The following NRAP variants were observed in gnomAD, a reference collection of about 807,000 sequenced individuals.
NRAP encodes the protein nebulin-related-anchoring protein.
A neutral mutation model predicts 225.9 loss-of-function variants in NRAP; 189 were observed. That is an observed-to-expected ratio of 0.84 (90% CI 0.74 to 0.94). NRAP has a LOEUF of 0.94. Ranked by LOEUF, NRAP falls within the 40% of genes least tolerant of loss-of-function variation. NRAP has a pLI of 0.00. For missense variants in NRAP, 2,176 were observed against 2,168.7 expected (o/e 1.00, Z -0.07); for synonymous variants, 769 against 790.7 (o/e 0.97, Z 0.46).
At chr10:113,632,980 C>G in intron 16 of NRAP, 104 bp downstream of exon 16, 1 of 723,058 alleles carries the variant, frequency 1.4e-6, no homozygotes, top group Non-Finnish European at 2.6e-6. Context: ...TCTGATGAGC[C>G]TTTCTCAGGG....
intron 14 of NRAP, among the ~76,000 whole-genome samples, chr10:113,639,091 CA>C (rs60509891): frequency 0.1 from 11,837 of 114,358 alleles, 250 homozygotes; most frequent in Non-Finnish European, 0.14. Flanking sequence ...ATGTATATAG[CA>C]AAAAAAAAAA....
chr10:113,626,080 C>T lies in NRAP; in HGVS notation c.2211G>A (p.Glu737=). Residue 737 remains glutamate (E), a synonymous_variant, in exon 21 of 42, where the codon GAG becomes GAA. Coordinates refer to ENST00000359988, the MANE Select transcript of NRAP (RefSeq NM_198060.4). ...GTAGCTCCTGGCTCTTCTTGGCGTG[C>T]TCCATCTGGGAGCTGTCGGTCACGC... ...FTSVTDSSQM[E]HAKKSQELQS... 1 of 1,612,626 alleles carries T rather than the reference C, an allele frequency of 6.2e-7. No individual in the cohort carries two copies. Among genetic ancestry groups the T allele is most frequent in the Non-Finnish European group, 8.5e-7 (1 of 1,179,538 alleles).
chr10:113,605,023 A>C, intron 34 of NRAP, 103 bp from the exon 35 acceptor site: 136 of 1,277,700 alleles, frequency 1.1e-4, no homozygotes, highest in East Asian at 2.9e-4. Context: ...TTATAAGAAA[A>C]ACCACAGTGG....
At chr10:113,620,245 A>G (rs1471037196) in intron 25 of NRAP, among the ~76,000 whole-genome samples, 1 of 152,226 alleles carries the variant, frequency 6.6e-6, no homozygotes, top group Non-Finnish European at 1.5e-5. Flanking sequence ...AAGGGAGAGG[A>G]AGAAAATGTG....
chr10:113,604,829 C>A lies in NRAP; in HGVS notation c.4007G>T (p.Arg1336Leu). ...AAGCTCGCTCTGCAGCTGGCCCATG[C>A]GCCGGCAGTGCTGGATCCGGGGGTC... ...RDDPRIQHCR[R>L]MGQLQSELQY... The change falls in exon 35 of 42, where the codon CGC (arginine) becomes CTC (leucine). Residue 1336 changes from arginine to leucine, a missense_variant. By Grantham distance (102) the Arg-to-Leu change is moderately radical. Transcript: ENST00000359988. The A allele has an allele frequency of 1.2e-6, 2 of 1,614,174 alleles. No homozygotes were observed. Among genetic ancestry groups the A allele is most frequent in the African/African-American group, 1.3e-5 (1 of 75,056 alleles).
intron 38 of NRAP, among the ~76,000 whole-genome samples, chr10:113,594,154 C>T (rs1846151214): frequency 6.6e-6 from 1 of 152,196 alleles, no homozygotes; most frequent in Non-Finnish European, 1.5e-5. Context: ...CTCATCCTCA[C>T]ACATTAGAGT....
intron 3 of NRAP, 102 bp from the exon 4 acceptor site, chr10:113,657,676 A>G (rs950014245): frequency 2.8e-6 from 2 of 720,426 alleles, no homozygotes; most frequent in East Asian, 2.7e-5. Flanking sequence ...CTAAGTCTCA[A>G]CTGCAAAGCA....
At chr10:113,646,269 G>T (rs1849501733) in intron 10 of NRAP, among the ~76,000 whole-genome samples, 1 of 152,162 alleles carries the variant, frequency 6.6e-6, no homozygotes, top group African/African-American at 2.4e-5. Context: ...CCCTGCTAAT[G>T]AGGGGCAGAG....
At position 113,640,191 on chromosome 10, in the gene NRAP, T is replaced by C. The variant is rs748836799; in HGVS notation, c.1428+36A>G. 7 of 1,243,468 alleles carry C rather than the reference T, an allele frequency of 5.6e-6. No homozygotes were observed. The South Asian group carries it at 6.3e-5, about 11-fold the overall frequency. The allele number at this position is 1,243,468 out of a possible 1,614,324, so 77.0% of individuals were successfully genotyped here. ...CACTCCTCAGGAAGGAAGCGACAAG[T>C]GACAAAGCAGAAAGAGCTGTTGGAA... On this transcript the variant is annotated intron_variant, in intron 14 of 41. Coordinates refer to ENST00000359988, the MANE Select transcript of NRAP (RefSeq NM_198060.4).
intron 32 of NRAP, 32 bp from the exon 33 acceptor site, chr10:113,606,314 A>G: frequency 1.5e-6 from 2 of 1,328,568 alleles, no homozygotes. Flanking sequence ...ATAATAATGC[A>G]AGAGATAAGT....
At chr10:113,604,082 T>C (rs1054074846) in intron 35 of NRAP, among the ~76,000 whole-genome samples, 3 of 152,180 alleles carry the variant, frequency 2.0e-5, no homozygotes, top group African/African-American at 7.2e-5. Flanking sequence ...CTCTCAGGGC[T>C]TAGAATGGTG....
chr10:113,588,909 ATCTGAAGCCTG>A lies in NRAP; in HGVS notation c.*55_*65del, dbSNP rs1845745473. 3.8e-6 allele frequency: 5 copies of A among 1,304,050 alleles called. No individual in the cohort carries two copies. The highest frequency in any genetic ancestry group is 5.5e-6 in the Non-Finnish European group (5 of 903,278). 80.8% of individuals were successfully genotyped at this position (1,304,050 alleles called of 1,614,324 possible). A position where few individuals can be genotyped will look rare whatever the true frequency, so the allele number is the denominator to read the frequency against. ...ATTCCAGCTTGCCGAAATCAAAGCCATCTGAAGCCTGTCTCTGGTGAACAAACTTCCTCTCT... is the reference window on the plus strand; with the variant it reads ...ATTCCAGCTTGCCGAAATCAAAGCCATCTCTGGTGAACAAACTTCCTCTCT... On this transcript the variant is annotated 3_prime_UTR_variant, in exon 42 of 42. Transcript: ENST00000359988.
At chr10:113,591,644 T>C (rs1846001310) in intron 39 of NRAP, among the ~76,000 whole-genome samples, 1 of 152,254 alleles carries the variant, frequency 6.6e-6, no homozygotes, top group South Asian at 2.1e-4. Flanking sequence ...TGGTGCCCTC[T>C]CTTGCAGAAT....
Position 113,651,927 on chromosome 10 carries a change from G to A in NRAP, c.571-20C>T, listed in dbSNP as rs1182138105. The A allele has an allele frequency of 6.6e-7, 1 of 1,519,928 alleles. No homozygotes were observed. Among genetic ancestry groups the A allele is most frequent in the East Asian group, 2.3e-5 (1 of 44,430 alleles). The allele number at this position is 1,519,928 out of a possible 1,614,324, so 94.2% of individuals were successfully genotyped here. A position where few individuals can be genotyped will look rare whatever the true frequency, so the allele number is the denominator to read the frequency against. On this transcript the variant is annotated intron_variant, in intron 6 of 41. Coordinates refer to ENST00000359988, the MANE Select transcript of NRAP (RefSeq NM_198060.4). ...CTCCACCTGATGAGAAGACAGTAGAGTCAAGGGTGCACCCACCTCACAGCC... is the reference window on the plus strand; with the variant it reads ...CTCCACCTGATGAGAAGACAGTAGAATCAAGGGTGCACCCACCTCACAGCC...
chr10:113,620,931 T>G (rs1397697012), intron 24 of NRAP, among the ~76,000 whole-genome samples: 1 of 152,186 alleles, frequency 6.6e-6, no homozygotes, highest in African/African-American at 2.4e-5. Context: ...TTAGGCCCCA[T>G]CCAACACTAT....
At chr10:113,642,892 C>T (rs750121628) in intron 12 of NRAP, 42 bp downstream of exon 12, 8 of 1,029,944 alleles carry the variant, frequency 7.8e-6, no homozygotes, top group Non-Finnish European at 1.1e-5. Context: ...AGACTAAGCT[C>T]ACCAACAGTG....
chr10:113,590,833 A>G lies in NRAP; in HGVS notation c.4701T>C (p.Ser1567=), dbSNP rs759300954. The stretch of plus-strand genomic sequence containing the variant: ...GCTTCATCCTTGGGTCATCGTCGAC[A>G]CTGCGGTACCCGATCTGCAGGCCTC... The part of the protein sequence containing the change: ...RDRGLQIGYR[S]VDDDPRMKHF... Residue 1567 remains serine (S), a synonymous_variant, in exon 40 of 42, where the codon AGT becomes AGC. Transcript: ENST00000359988. The G allele has an allele frequency of 1.2e-6, 2 of 1,614,172 alleles. No homozygotes were observed. Among genetic ancestry groups the G allele is most frequent in the Non-Finnish European group, 1.7e-6 (2 of 1,180,034 alleles).
chr10:113,606,283 C>A lies in NRAP; in HGVS notation c.3703-1G>T. 6.3e-7 allele frequency: 1 copy of A among 1,583,710 alleles called. No individual in the cohort carries two copies. Among genetic ancestry groups the A allele is most frequent in the Non-Finnish European group, 8.7e-7 (1 of 1,152,562 alleles). ...CCTCTCCAGCTGCTTTATAGAGGCG[C>A]TAGGCCAAAAAAATATAATAATAAT... is the stretch of plus-strand genomic sequence containing the variant. On this transcript the variant is annotated splice_acceptor_variant, in intron 32 of 41. Coordinates refer to ENST00000359988, the MANE Select transcript of NRAP (RefSeq NM_198060.4). LOFTEE classifies it high-confidence loss of function.
chr10:113,651,992 C>A, intron 6 of NRAP, 85 bp from the exon 7 acceptor site: 1 of 831,712 alleles, frequency 1.2e-6, no homozygotes, highest in Middle Eastern at 2.4e-4. Flanking sequence ...TAAAGCTGCA[C>A]CATCAGGCTA....
Sources: gnomAD v4.1 joint callset for allele counts (sites outside exome capture counted in the v4.1 genomes callset) on GRCh38, gnomAD v4.1.1 for gene constraint, MANE v1.5 for transcripts, NCBI Gene and HGNC (gene_info 2026-07-23, HGNC 2026-07-21) for gene names.